ULK4: variants seen among roughly 807,000 people sequenced by gnomAD.
The protein encoded by ULK4 is inactive serine/threonine-protein kinase ULK4.
Under a neutral mutation model 160.6 loss-of-function variants are expected in ULK4, and 133 were observed. The ratio of observed to expected loss-of-function variants is 0.83; its 90% confidence interval spans 0.72 to 0.96. The LOEUF (loss-of-function observed/expected upper bound fraction) is 0.96, where lower values mean the gene tolerates loss of function less well. Among genes scored for constraint, ULK4 ranks in the 40% least tolerant of loss-of-function variants. The pLI is 0.00. For missense variants in ULK4, 1,580 were observed against 1,499.5 expected (o/e 1.05, Z -0.89); for synonymous variants, 534 against 539.8 (o/e 0.99, Z 0.15).
At position 41,267,142 on chromosome 3, in the gene ULK4, G is replaced by A. The variant is rs187746558; in HGVS notation, c.3679-17568C>T. 8.7e-4 allele frequency among the ~76,000 whole-genome samples: 132 copies of A among 151,206 alleles called. 1 individual carries two copies. Among genetic ancestry groups the A allele is most frequent in the Non-Finnish European group, 1.5e-3 (104 of 67,884 alleles). ...GGTGGTCTGATGCAGCTATTGACCCGTCTTCTAAGTTGCCTCCCCTTGCCC... is the reference window on the plus strand; with the variant it reads ...GGTGGTCTGATGCAGCTATTGACCCATCTTCTAAGTTGCCTCCCCTTGCCC... On this transcript the variant is annotated intron_variant, in intron 35 of 36. Transcript: ENST00000301831.
chr3:41,289,441 C>CA (rs1196012717), intron 35 of ULK4, among the ~76,000 whole-genome samples: 1 of 152,206 alleles, frequency 6.6e-6, no homozygotes, highest in Non-Finnish European at 1.5e-5. Flanking sequence ...TGAATACTGT[C>CA]ACGCAGTTCT....
At chr3:41,388,298 C>T (rs939043625) in intron 35 of ULK4, among the ~76,000 whole-genome samples, 23 of 151,934 alleles carry the variant, frequency 1.5e-4, no homozygotes, top group South Asian at 1.0e-3. Flanking sequence ...GAGTAGGTTG[C>T]GAAAATTTTC....
intron 17 of ULK4, among the ~76,000 whole-genome samples, chr3:41,867,274 C>G (rs938817945): frequency 6.6e-6 from 1 of 152,098 alleles, no homozygotes; most frequent in African/African-American, 2.4e-5. Context: ...GTCCCTAAAC[C>G]AGCAGCATCA....
chr3:41,246,730 C>G lies in ULK4; in HGVS notation c.*199G>C, dbSNP rs1383560537. ...GCTTCCCAGATGCATTCCACAGGAA[C>G]CAAGGAAGTCCATTCTGAGTCAGTT... On this transcript the variant is annotated 3_prime_UTR_variant, in exon 37 of 37. Coordinates refer to ENST00000301831, the MANE Select transcript of ULK4 (RefSeq NM_017886.4). The G allele has an allele frequency of 8.6e-6, 5 of 581,092 alleles. No individual in the cohort carries two copies. Among genetic ancestry groups the G allele is most frequent in the Non-Finnish European group, 1.5e-5 (5 of 327,864 alleles). The allele number at this position is 581,092 out of a possible 1,614,324, so 36.0% of individuals were successfully genotyped here.
At chr3:41,790,652 G>T (rs1267586461) in intron 20 of ULK4, among the ~76,000 whole-genome samples, 1 of 152,136 alleles carries the variant, frequency 6.6e-6, no homozygotes, top group Non-Finnish European at 1.5e-5. Context: ...TTCACATGGA[G>T]ACATAAAGAC....
At chr3:41,493,623 A>C (rs974963046) in intron 32 of ULK4, among the ~76,000 whole-genome samples, 4 of 139,302 alleles carry the variant, frequency 2.9e-5, no homozygotes, top group Non-Finnish European at 1.6e-5. Context: ...CCCTTCAAAA[A>C]ATCAGGGAAT....
chr3:41,347,635 A>T, intron 35 of ULK4, among the ~76,000 whole-genome samples: 1 of 151,928 alleles, frequency 6.6e-6, no homozygotes, highest in East Asian at 1.9e-4. Context: ...TTCCTGCCAC[A>T]TCTGCATGAT....
intron 29 of ULK4, among the ~76,000 whole-genome samples, chr3:41,680,578 G>T (rs1347002648): frequency 6.6e-6 from 1 of 152,190 alleles, no homozygotes; most frequent in Non-Finnish European, 1.5e-5. Flanking sequence ...AATATTATAT[G>T]AGAGAGTTCA....
intron 22 of ULK4, among the ~76,000 whole-genome samples, chr3:41,736,359 C>T (rs1399138902): frequency 6.9e-4 from 104 of 151,078 alleles, no homozygotes; most frequent in African/African-American, 2.1e-3. Context: ...ACCTGTTGTT[C>T]CCTGACTTTT....
chr3:41,814,954 G>A (rs377733815), intron 19 of ULK4, among the ~76,000 whole-genome samples: 6 of 147,734 alleles, frequency 4.1e-5, no homozygotes, highest in Admixed American at 2.7e-4. Flanking sequence ...TGTTGCCCAG[G>A]CTGGAGTGTA....
intron 22 of ULK4, among the ~76,000 whole-genome samples, chr3:41,722,104 G>T (rs2037491132): frequency 6.6e-6 from 1 of 152,122 alleles, no homozygotes; most frequent in Non-Finnish European, 1.5e-5. Context: ...CGCCTTATAG[G>T]ACTGCTGTGA....
rs2041497995 is a variant in ULK4, at chr3:41,829,602, C to G, written c.1764+6262G>C. Reference sequence around the variant, plus strand: ...AATGAAAACCACAATGAGATACCATCTCACACCAGTTAGAATGGCAATCAT... The same window carrying G: ...AATGAAAACCACAATGAGATACCATGTCACACCAGTTAGAATGGCAATCAT... On this transcript the variant is annotated intron_variant, in intron 18 of 36. Transcript: ENST00000301831. Among the ~76,000 whole-genome samples, 3 of 152,124 alleles carry G rather than the reference C, an allele frequency of 2.0e-5. No individual in the cohort carries two copies. In the South Asian group the frequency reaches 6.2e-4, roughly 32 times the overall value.
At chr3:41,823,120 T>C (rs2041206105) in intron 18 of ULK4, among the ~76,000 whole-genome samples, 1 of 152,130 alleles carries the variant, frequency 6.6e-6, no homozygotes, top group Non-Finnish European at 1.5e-5. Flanking sequence ...AGAAAGACTG[T>C]AGACAGGCTG....
intron 21 of ULK4, among the ~76,000 whole-genome samples, chr3:41,774,066 T>C (rs1042191215): frequency 6.6e-6 from 1 of 152,064 alleles, no homozygotes; most frequent in African/African-American, 2.4e-5. Flanking sequence ...TATACAAAAA[T>C]CAATTCAAGA....
rs74344289 is a variant in ULK4, at chr3:41,720,272, T to G, written c.2322-2411A>C. Among the ~76,000 whole-genome samples, 423 of 152,344 alleles carry G rather than the reference T, an allele frequency of 2.8e-3. 1 individual carries two copies. Among genetic ancestry groups the G allele is most frequent in the Middle Eastern group, 0.017 (5 of 294 alleles). On this transcript the variant is annotated intron_variant, in intron 22 of 36. Transcript: ENST00000301831. ...AATTAAGTGTTCAATACATATTAGCTGAATAAGTAAATATTGCTGTTGAAA... is the reference window on the plus strand; with the variant it reads ...AATTAAGTGTTCAATACATATTAGCGGAATAAGTAAATATTGCTGTTGAAA...
chr3:41,829,254 A>G lies in ULK4; in HGVS notation c.1764+6610T>C, dbSNP rs996063165. On this transcript the variant is annotated intron_variant, in intron 18 of 36. Transcript: ENST00000301831. ...GGCATGGGCAAGGACTTCATGTGTA[A>G]AACACCAAAAGCAATGGCAACAAAA... Among the ~76,000 whole-genome samples, 13 of 147,408 alleles carry G rather than the reference A, an allele frequency of 8.8e-5. No individual in the cohort carries two copies. In the East Asian group the frequency reaches 9.7e-4, roughly 11 times the overall value.
At chr3:41,649,949 A>T (rs1377010574) in intron 30 of ULK4, among the ~76,000 whole-genome samples, 1 of 152,172 alleles carries the variant, frequency 6.6e-6, no homozygotes, top group Admixed American at 6.5e-5. Context: ...CAGCCCATGA[A>T]AACCCCAGAC....
intron 35 of ULK4, among the ~76,000 whole-genome samples, chr3:41,279,007 A>G (rs2079287218): frequency 6.6e-6 from 1 of 152,170 alleles, no homozygotes; most frequent in Non-Finnish European, 1.5e-5. Context: ...CTCCGACCTA[A>G]AGGAGCATGT....
chr3:41,398,622 G>T (rs985970838), intron 34 of ULK4, among the ~76,000 whole-genome samples: 3 of 150,400 alleles, frequency 2.0e-5, no homozygotes, highest in Non-Finnish European at 4.4e-5. Context: ...GAACTCCTGG[G>T]TTCAAGGAAT....
Sources: allele counts gnomAD v4.1 joint callset (sites outside exome capture counted in the v4.1 genomes callset), GRCh38; gene constraint gnomAD v4.1.1; transcripts MANE v1.5; gene names NCBI Gene and HGNC (gene_info 2026-07-23, HGNC 2026-07-21).